ZFP1: variants seen among roughly 807,000 people sequenced by gnomAD.
ZFP1 encodes ZFP1 zinc finger protein.
In ZFP1, 32 loss-of-function variants were observed where a neutral mutation model predicts 38.5. That is an observed-to-expected ratio of 0.83 (90% CI 0.63 to 1.12). The LOEUF (loss-of-function observed/expected upper bound fraction) is 1.12, where lower values mean the gene tolerates loss of function less well. ZFP1 is among the 50% of genes most tolerant of loss of function. The pLI is 0.00. For synonymous variants in ZFP1, 245 were observed against 168.8 expected, an observed-to-expected ratio of 1.45 and a Z score of -3.50; for missense variants, 616 against 480.8, an observed-to-expected ratio of 1.28 and a Z score of -2.63.
Position 75,169,908 on chromosome 16 carries a change from G to T in ZFP1, c.798G>T (p.Lys266Asn). 1 of 1,614,188 alleles carries T rather than the reference G, an allele frequency of 6.2e-7. No individual in the cohort carries two copies. The highest frequency in any genetic ancestry group is 8.5e-7 in the Non-Finnish European group (1 of 1,180,028). Residue 266 changes from lysine (K) to asparagine (N), a missense_variant, in exon 4 of 4, where the codon AAG (lysine) becomes AAT (asparagine). Coordinates refer to ENST00000570010, the MANE Select transcript of ZFP1 (RefSeq NM_153688.4). ...ACCAGAGAGCACATATGGAGAAGAA[G>T]CCCTATGAGTGCAGTGAATGTGGAA... is the stretch of plus-strand genomic sequence containing the variant. ...IVHQRAHMEK[K>N]PYECSECGKT...
the ZFP1 span, among the ~76,000 whole-genome samples, chr16:75,139,308 G>C: frequency 4.4e-5 from 6 of 135,644 alleles, no homozygotes; most frequent in African/African-American, 1.6e-4. Flanking sequence ...GTCGGAGCTT[G>C]CAGTGAGCCG....
intron 2 of ZFP1, among the ~76,000 whole-genome samples, chr16:75,166,316 T>C (rs920500718): frequency 2.6e-5 from 4 of 151,718 alleles, no homozygotes; most frequent in African/African-American, 9.8e-5. Context: ...CACTGCAGCC[T>C]CTGCCTCCCG....
intron 2 of ZFP1, among the ~76,000 whole-genome samples, chr16:75,165,713 T>C (rs1327420774): frequency 1.3e-5 from 2 of 151,954 alleles, no homozygotes; most frequent in East Asian, 3.8e-4. Flanking sequence ...TGTTATATGC[T>C]GAGTATTTTT....
Position 75,171,470 on chromosome 16 carries a change from T to G in ZFP1, c.*1136T>G, listed in dbSNP as rs2038430883. 6.6e-6 allele frequency: 1 copy of G among 152,246 alleles called. No homozygotes were observed. Among genetic ancestry groups the G allele is most frequent in the Non-Finnish European group, 1.5e-5 (1 of 68,048 alleles). The allele number at this position is 152,246 out of a possible 1,614,324, so 9.4% of individuals were successfully genotyped here. Reference sequence around the variant, plus strand: ...GTTTTGCTGTTGCCAACCTAAAACATTTCCCTTTGGAACATGAGTTATAAG... The same window carrying G: ...GTTTTGCTGTTGCCAACCTAAAACAGTTCCCTTTGGAACATGAGTTATAAG... On this transcript the variant is annotated 3_prime_UTR_variant, in exon 4 of 4. Coordinates refer to ENST00000570010, the MANE Select transcript of ZFP1 (RefSeq NM_153688.4).
the ZFP1 span, among the ~76,000 whole-genome samples, chr16:75,123,482 T>TTCTTTTTTTTTGG: frequency 7.6e-6 from 1 of 132,428 alleles, no homozygotes; most frequent in Non-Finnish European, 1.6e-5. Flanking sequence ...TATATATATA[T>TTCTTTTTTTTTGG]ATATATATAT....
the ZFP1 span, among the ~76,000 whole-genome samples, chr16:75,124,565 T>C: frequency 2.0e-5 from 3 of 148,496 alleles, no homozygotes; most frequent in East Asian, 2.1e-4. Context: ...GGGTGGATCA[T>C]GAGGTCAGGA....
At chr16:75,164,344 A>G (rs949270499) in intron 2 of ZFP1, among the ~76,000 whole-genome samples, 2 of 152,090 alleles carry the variant, frequency 1.3e-5, no homozygotes, top group Non-Finnish European at 2.9e-5. Flanking sequence ...ATATTTTTTC[A>G]GTACTTTCCT....
the ZFP1 span, among the ~76,000 whole-genome samples, chr16:75,131,924 C>G: frequency 2.0e-5 from 3 of 151,646 alleles, no homozygotes; most frequent in East Asian, 3.9e-4. Flanking sequence ...AAGATCACAC[C>G]ACTGTACTCC....
chr16:75,163,109 A>G (rs1358535694), intron 2 of ZFP1, among the ~76,000 whole-genome samples: 1 of 150,842 alleles, frequency 6.6e-6, no homozygotes, highest in Non-Finnish European at 1.5e-5. Context: ...GGGGTTCGCC[A>G]TGTTGGCCAG....
At chr16:75,169,046 T>C (rs777333468) in intron 3 of ZFP1, among the ~76,000 whole-genome samples, 2 of 152,204 alleles carry the variant, frequency 1.3e-5, no homozygotes, top group South Asian at 4.1e-4. Flanking sequence ...ATTTTGGTTT[T>C]GTTTTGTTTT....
intron 2 of ZFP1, among the ~76,000 whole-genome samples, chr16:75,161,774 A>ATATTTTTTT (rs1555523101): frequency 1.3e-4 from 1 of 7,818 alleles, no homozygotes; most frequent in Admixed American, 2.1e-3. Context: ...ATATATATAT[A>ATATTTTTTT]TTTTTTTTTT....
At chr16:75,120,439 G>A in the ZFP1 span, among the ~76,000 whole-genome samples, 1 of 151,866 alleles carries the variant, frequency 6.6e-6, no homozygotes, top group Non-Finnish European at 1.5e-5. Context: ...AATCCCCAGA[G>A]TGTAAACAGG....
At chr16:75,143,983 T>C (rs980096482), upstream of ZFP1, 2 of 152,190 alleles carry the variant, frequency 1.3e-5, no homozygotes, top group Non-Finnish European at 2.9e-5. Context: ...AGTTGTTTGA[T>C]ACTGTATAAT....
At position 75,163,449 on chromosome 16, in the gene ZFP1, C is replaced by G. The variant is rs1205711957; in HGVS notation, c.16-3321C>G. Among the ~76,000 whole-genome samples, 7 of 150,898 alleles carry G rather than the reference C, an allele frequency of 4.6e-5. No homozygotes were observed. The East Asian group carries it at 1.4e-3, about 30-fold the overall frequency. On this transcript the variant is annotated intron_variant, in intron 2 of 3. Transcript: ENST00000570010. Reference sequence around the variant, plus strand: ...GCCTCAGCCTCCTGAGTAGCTGAGACTACAGGTGCCCACCACCATGCCCGG... The same window carrying G: ...GCCTCAGCCTCCTGAGTAGCTGAGAGTACAGGTGCCCACCACCATGCCCGG...
rs571796276 is a variant in ZFP1, at chr16:75,155,918, C to T, written c.15+2952C>T. Among the ~76,000 whole-genome samples the T allele has an allele frequency of 1.1e-4, 17 of 152,164 alleles. No individual in the cohort carries two copies. The South Asian group carries it at 1.7e-3, about 15-fold the overall frequency. On this transcript the variant is annotated intron_variant, in intron 2 of 3. Coordinates refer to ENST00000570010, the MANE Select transcript of ZFP1 (RefSeq NM_153688.4). ...TGCCTTGGTTTGCATAATCTTTTGT[C>T]TAATTGGTGGAGGTTTTTTTTTCCT...
the ZFP1 span, among the ~76,000 whole-genome samples, chr16:75,134,091 C>T: frequency 1.2e-4 from 18 of 152,230 alleles, no homozygotes; most frequent in South Asian, 3.7e-3. Flanking sequence ...CTTAAAAATT[C>T]CACCTGGATT....
At chr16:75,138,508 C>G in the ZFP1 span, among the ~76,000 whole-genome samples, 1 of 152,176 alleles carries the variant, frequency 6.6e-6, no homozygotes, top group Non-Finnish European at 1.5e-5. Context: ...TTTACTGGGT[C>G]GAATCACGTC....
chr16:75,148,175 A>C (rs2036980883), upstream of ZFP1, among the ~76,000 whole-genome samples: 1 of 152,212 alleles, frequency 6.6e-6, no homozygotes, highest in South Asian at 2.1e-4. Context: ...TTAGAAAGTG[A>C]GATTATGGAT....
chr16:75,131,923 C>T, the ZFP1 span, among the ~76,000 whole-genome samples: 1 of 151,810 alleles, frequency 6.6e-6, no homozygotes, highest in Admixed American at 6.6e-5. Context: ...CAAGATCACA[C>T]CACTGTACTC....
Sources: allele counts gnomAD v4.1 joint callset (sites outside exome capture counted in the v4.1 genomes callset), GRCh38; gene constraint gnomAD v4.1.1; transcripts MANE v1.5; gene names NCBI Gene and HGNC (gene_info 2026-07-23, HGNC 2026-07-21).